Variants in EIF3A observed in about 807,000 individuals in gnomAD.
EIF3A encodes the protein EIF3, p180 subunit.
A neutral mutation model predicts 186.6 loss-of-function variants in EIF3A; 21 were observed. The ratio of observed to expected loss-of-function variants is 0.11; its 90% CI spans 0.08 to 0.16. EIF3A has a LOEUF of 0.16. EIF3A is among the 10% of genes least tolerant of loss of function. The pLI, the probability that EIF3A is intolerant of heterozygous loss-of-function variation, is 1.00. For synonymous variants in EIF3A, 563 were observed against 584.3 expected (o/e 0.96, Z 0.52); for missense variants, 1,306 against 1,796.3 (o/e 0.73, Z 4.93).
intron 17 of EIF3A, among the ~76,000 whole-genome samples, chr10:119,049,115 T>TC (rs1267549461): frequency 6.6e-6 from 1 of 151,950 alleles, no homozygotes. Flanking sequence ...GTATAATTCT[T>TC]CCCCCCTTAG....
chr10:119,075,711 CT>C (rs58392465), intron 1 of EIF3A, among the ~76,000 whole-genome samples: 806 of 65,240 alleles, frequency 0.012, 2 homozygotes, highest in African/African-American at 0.037. Context: ...TGGAAAAAGA[CT>C]TTTTTTTTTT....
At chr10:119,045,300 TA>T (rs1848268803) in intron 17 of EIF3A, among the ~76,000 whole-genome samples, 2 of 152,034 alleles carry the variant, frequency 1.3e-5, no homozygotes, top group African/African-American at 4.8e-5. Context: ...AAATAACAAC[TA>T]GAGATGAGAA....
At chr10:119,037,366 A>C (rs577740594) in intron 20 of EIF3A, 57 bp from the exon 21 acceptor site, 5 of 1,472,220 alleles carry the variant, frequency 3.4e-6, no homozygotes, top group East Asian at 4.6e-5. Context: ...ATGGATAATT[A>C]TAAGTACATC....
At chr10:119,070,642 T>C (rs1164700164) in intron 5 of EIF3A, among the ~76,000 whole-genome samples, 1 of 152,224 alleles carries the variant, frequency 6.6e-6, no homozygotes, top group Admixed American at 6.5e-5. Context: ...TGTATTGTTT[T>C]ATATGTCAAG....
intron 4 of EIF3A, among the ~76,000 whole-genome samples, chr10:119,072,356 C>A (rs188463610): frequency 4.1e-4 from 63 of 151,828 alleles, no homozygotes; most frequent in Admixed American, 4.1e-3. Flanking sequence ...AAAAAAAGAT[C>A]TTTCAGATAT....
At chr10:119,055,152 G>A (rs2119819085) in intron 14 of EIF3A, among the ~76,000 whole-genome samples, 1 of 152,356 alleles carries the variant, frequency 6.6e-6, no homozygotes, top group Middle Eastern at 3.4e-3. Context: ...AGAGGTTGCA[G>A]TGTGCCGAGA....
chr10:119,035,721 A>T lies in EIF3A; in HGVS notation c.*318T>A, dbSNP rs187655289. On this transcript the variant is annotated 3_prime_UTR_variant, in exon 22 of 22. Coordinates refer to ENST00000369144, the MANE Select transcript of EIF3A (RefSeq NM_003750.4). ...ATCAAAAAAAAAGTATCAGTTCTATACCAAGATAAAGGTGTTACTCAATAC... is the reference window on the plus strand; with the variant it reads ...ATCAAAAAAAAAGTATCAGTTCTATTCCAAGATAAAGGTGTTACTCAATAC... 1,296 of 233,656 alleles carry T rather than the reference A, an allele frequency of 5.5e-3. 8 individuals carry two copies. The highest frequency in any genetic ancestry group is 0.028 in the Middle Eastern group (18 of 638). The allele number at this position is 233,656 out of a possible 1,614,324, so 14.5% of individuals were successfully genotyped here.
chr10:119,042,352 CTCA>C lies in EIF3A; in HGVS notation c.3165_3167del (p.Asp1055del). The C allele has an allele frequency of 6.2e-7, 1 of 1,613,632 alleles. No homozygotes were observed. Among genetic ancestry groups the C allele is most frequent in the Non-Finnish European group, 8.5e-7 (1 of 1,179,828 alleles). On this transcript the variant is annotated inframe_deletion, in exon 19 of 22. Transcript: ENST00000369144. This position sits in a 1 kb window ranked among gnomAD's most constrained non-coding sequence, Gnocchi z 7.8. ...CATCAGCATTACGCCAGGATGATCGCTCATCATCAGCGCCTCCTCGCCTCGGCC... is the reference window on the plus strand; with the variant it reads ...CATCAGCATTACGCCAGGATGATCGCTCATCAGCGCCTCCTCGCCTCGGCC...
At chr10:119,052,368 TTGTGTGTGTG>T (rs61029991) in intron 14 of EIF3A, among the ~76,000 whole-genome samples, 3 of 122,970 alleles carry the variant, frequency 2.4e-5, no homozygotes, top group Non-Finnish European at 5.3e-5. Context: ...TTTTTTGGTT[TTGTGTGTGTG>T]TGTGTGTGTG....
chr10:119,060,135 G>A (rs1843860837), intron 9 of EIF3A: 1 of 500,788 alleles, frequency 2.0e-6, no homozygotes, highest in Non-Finnish European at 3.9e-6. Context: ...AATGAAATGT[G>A]CACAAATACT....
chr10:119,068,749 G>A (rs1350513550), intron 6 of EIF3A, among the ~76,000 whole-genome samples: 2 of 152,108 alleles, frequency 1.3e-5, no homozygotes, highest in Non-Finnish European at 2.9e-5. Context: ...GCAGAGGCAG[G>A]TGGATCATGA....
At chr10:119,053,167 A>T (rs772560731) in intron 14 of EIF3A, among the ~76,000 whole-genome samples, 4 of 152,186 alleles carry the variant, frequency 2.6e-5, no homozygotes, top group Admixed American at 6.5e-5. Context: ...CATGCTATTA[A>T]CAGATATGCT....
intron 6 of EIF3A, among the ~76,000 whole-genome samples, chr10:119,069,098 C>T (rs1844031454): frequency 6.6e-6 from 1 of 151,972 alleles, no homozygotes; most frequent in Admixed American, 6.6e-5. Context: ...TCCTAATATT[C>T]AAATTTCTCA....
intron 14 of EIF3A, among the ~76,000 whole-genome samples, chr10:119,056,159 C>T (rs918927665): frequency 4.6e-5 from 7 of 152,006 alleles, no homozygotes; most frequent in African/African-American, 1.2e-4. Context: ...TATTTGGTGC[C>T]GTAAGCATTT....
At chr10:119,038,951 T>A (rs1488699798) in intron 19 of EIF3A, among the ~76,000 whole-genome samples, 3 of 151,750 alleles carry the variant, frequency 2.0e-5, no homozygotes, top group African/African-American at 7.3e-5. Flanking sequence ...GAAAAAAAAA[T>A]ACCAAAAACC....
intron 1 of EIF3A, among the ~76,000 whole-genome samples, chr10:119,077,378 G>T (rs1251200561): frequency 1.3e-5 from 2 of 151,964 alleles, no homozygotes. Context: ...TTGAGCCTGG[G>T]AGGCGGAGGT....
chr10:119,072,048 A>G (rs1310408026), intron 4 of EIF3A, among the ~76,000 whole-genome samples: 4 of 116,072 alleles, frequency 3.4e-5, no homozygotes, highest in East Asian at 5.0e-4. Context: ...AAAAAAAAAG[A>G]AAGAAAAAAA....
intron 14 of EIF3A, among the ~76,000 whole-genome samples, chr10:119,052,805 G>T (rs1008376383): frequency 3.3e-5 from 5 of 152,142 alleles, no homozygotes; most frequent in Non-Finnish European, 5.9e-5. Flanking sequence ...TTCTAATGCT[G>T]ATATTTTGAC....
chr10:119,049,195 C>A (rs577661673), intron 17 of EIF3A, among the ~76,000 whole-genome samples: 3 of 152,068 alleles, frequency 2.0e-5, no homozygotes, highest in Non-Finnish European at 4.4e-5. Context: ...TGCGGTGGCT[C>A]GCGCCTGTAA....
Sources: gnomAD v4.1 joint callset for allele counts (sites outside exome capture counted in the v4.1 genomes callset) on GRCh38, gnomAD v4.1.1 for gene constraint, Gnocchi (gnomAD v3.1) non-coding constraint, MANE v1.5 for transcripts, NCBI Gene and HGNC (gene_info 2026-07-23, HGNC 2026-07-21) for gene names.